KCNIP4: variants seen among roughly 807,000 people sequenced by gnomAD.
KCNIP4 encodes Kv channel-interacting protein 4.
Under a neutral mutation model 34.0 loss-of-function variants are expected in KCNIP4, and 12 were observed. That is an observed-to-expected ratio of 0.35 (90% confidence interval 0.23 to 0.57). The LOEUF is 0.57. Ranked by LOEUF, KCNIP4 falls within the 20% of genes least tolerant of loss-of-function variation. The pLI is 0.83. For missense variants in KCNIP4, 238 were observed against 311.7 expected, an observed-to-expected ratio of 0.76 and a Z score of 1.78; for synonymous variants, 124 against 102.2, an observed-to-expected ratio of 1.21 and a Z score of -1.29.
chr4:21,656,420 T>G (rs532037608), intron 1 of KCNIP4: 1 of 152,246 alleles, frequency 6.6e-6, no homozygotes, highest in Non-Finnish European at 1.5e-5. Flanking sequence ...AACTTCAACA[T>G]GTGAATTTAG....
At chr4:21,410,371 G>T (rs1031680015) in intron 1 of KCNIP4, among the ~76,000 whole-genome samples, 6 of 152,194 alleles carry the variant, frequency 3.9e-5, no homozygotes, top group Non-Finnish European at 8.8e-5. Context: ...ACCACAGAAT[G>T]TGGCAGAATT....
At chr4:21,201,707 C>T (rs1316917504) in intron 1 of KCNIP4, among the ~76,000 whole-genome samples, 1 of 152,132 alleles carries the variant, frequency 6.6e-6, no homozygotes, top group East Asian at 1.9e-4. Context: ...ACCATGTTAG[C>T]CAGGAAGGTT....
At chr4:21,316,811 ATTAACTG>A (rs1193649544) in intron 1 of KCNIP4, among the ~76,000 whole-genome samples, 1 of 152,214 alleles carries the variant, frequency 6.6e-6, no homozygotes, top group Non-Finnish European at 1.5e-5. Context: ...TATTTTCTAT[ATTAACTG>A]TTTACTGTAT....
chr4:21,296,857 C>A (rs1038257016), intron 1 of KCNIP4, among the ~76,000 whole-genome samples: 11 of 151,780 alleles, frequency 7.2e-5, no homozygotes, highest in African/African-American at 2.4e-4. Context: ...GAGGTAAGGG[C>A]AGACATCTGT....
intron 5 of KCNIP4, among the ~76,000 whole-genome samples, 154 bp from the exon 6 acceptor site, chr4:20,734,889 C>A (rs1474386201): frequency 6.6e-6 from 1 of 152,134 alleles, no homozygotes; most frequent in Admixed American, 6.5e-5. Context: ...TCAGACTTCT[C>A]TGTGGGCATA....
intron 1 of KCNIP4, among the ~76,000 whole-genome samples, chr4:20,985,856 G>A (rs1736522171): frequency 6.6e-6 from 1 of 152,176 alleles, no homozygotes; most frequent in South Asian, 2.1e-4. Flanking sequence ...ATCATTACTA[G>A]AAGTATTATA....
chr4:21,182,215 T>A (rs1754890621), intron 1 of KCNIP4, among the ~76,000 whole-genome samples: 1 of 152,012 alleles, frequency 6.6e-6, no homozygotes, highest in African/African-American at 2.4e-5. Context: ...TGAGAAACAA[T>A]AGTGAAGCTA....
Position 21,565,162 on chromosome 4 carries a change from C to G in KCNIP4, c.61+383409G>C, listed in dbSNP as rs115790475. On this transcript the variant is annotated intron_variant, in intron 1 of 8. Transcript: ENST00000382152. ...TAGACCTGTTGGATCAAACAGCAGACATTGGTTTCTCACAGTTTCAGAGGC... is the reference window on the plus strand; with the variant it reads ...TAGACCTGTTGGATCAAACAGCAGAGATTGGTTTCTCACAGTTTCAGAGGC... 2.4e-3 allele frequency among the ~76,000 whole-genome samples: 369 copies of G among 152,230 alleles called. 2 individuals are homozygous for G. The highest frequency in any genetic ancestry group is 7.9e-3 in the African/African-American group (329 of 41,542).
At chr4:21,066,564 G>A (rs1744408682) in intron 1 of KCNIP4, among the ~76,000 whole-genome samples, 1 of 151,982 alleles carries the variant, frequency 6.6e-6, no homozygotes, top group Non-Finnish European at 1.5e-5. Context: ...GCGGCACTGA[G>A]AGAATGTCTG....
At chr4:20,800,001 C>G (rs1209564826) in intron 3 of KCNIP4, among the ~76,000 whole-genome samples, 1 of 152,202 alleles carries the variant, frequency 6.6e-6, no homozygotes, top group African/African-American at 2.4e-5. Context: ...GGAATGTGAA[C>G]CTGTGTCTCA....
intron 1 of KCNIP4, among the ~76,000 whole-genome samples, chr4:21,396,549 C>CAAAAAAAAAAAAAAAAAA (rs555585102): frequency 7.6e-5 from 4 of 52,804 alleles, no homozygotes; most frequent in Non-Finnish European, 7.8e-5. Flanking sequence ...AGCAAGACTC[C>CAAAAAAAAAAAAAAAAAA]AAAAAAAAAA....
intron 1 of KCNIP4, among the ~76,000 whole-genome samples, chr4:21,708,783 A>C (rs1039911372): frequency 6.6e-6 from 1 of 152,194 alleles, no homozygotes; most frequent in African/African-American, 2.4e-5. Context: ...CATCAACCGC[A>C]AGCAATCCTG....
chr4:21,495,693 T>C (rs1732793961), intron 1 of KCNIP4, among the ~76,000 whole-genome samples: 1 of 152,130 alleles, frequency 6.6e-6, no homozygotes, highest in Admixed American at 6.6e-5. Flanking sequence ...CGAGTTCCAG[T>C]TTTGTTACCC....
chr4:21,244,175 C>T (rs6858323), intron 1 of KCNIP4, among the ~76,000 whole-genome samples: 32,889 of 152,050 alleles, frequency 0.22, 6,058 homozygotes, highest in African/African-American at 0.5. Context: ...TGAGGGTACA[C>T]GTGAAATTTT....
At chr4:21,103,501 C>T (rs1378589118) in intron 1 of KCNIP4, among the ~76,000 whole-genome samples, 2 of 150,538 alleles carry the variant, frequency 1.3e-5, no homozygotes, top group Admixed American at 1.3e-4. Flanking sequence ...CTAATAAAAA[C>T]TTAAATCAGT....
At chr4:21,558,360 C>A (rs144609617) in intron 1 of KCNIP4, among the ~76,000 whole-genome samples, 2 of 151,912 alleles carry the variant, frequency 1.3e-5, no homozygotes, top group African/African-American at 2.4e-5. Flanking sequence ...GGTGTGGTGG[C>A]GTATGCCTAT....
chr4:21,684,134 T>A (rs1750629471), intron 1 of KCNIP4, among the ~76,000 whole-genome samples: 1 of 152,014 alleles, frequency 6.6e-6, no homozygotes, highest in South Asian at 2.1e-4. Flanking sequence ...TTAAAAAAAA[T>A]AAATCTGTAA....
At chr4:21,216,151 G>C (rs1053591585) in intron 1 of KCNIP4, among the ~76,000 whole-genome samples, 7 of 152,214 alleles carry the variant, frequency 4.6e-5, no homozygotes, top group Non-Finnish European at 8.8e-5. Context: ...TTGCGTTGGT[G>C]CGGGTTTTTA....
chr4:21,040,761 G>A (rs184724091), intron 1 of KCNIP4, among the ~76,000 whole-genome samples: 2 of 151,776 alleles, frequency 1.3e-5, no homozygotes, highest in Non-Finnish European at 2.9e-5. Flanking sequence ...GGGATCCCAG[G>A]CACCCAAAAC....
Sources: gnomAD v4.1 joint callset for allele counts (sites outside exome capture counted in the v4.1 genomes callset) on GRCh38, gnomAD v4.1.1 for gene constraint, MANE v1.5 for transcripts, NCBI Gene and HGNC (gene_info 2026-07-23, HGNC 2026-07-21) for gene names.